ATP5MG: variants seen among roughly 807,000 people sequenced by gnomAD.
The protein encoded by ATP5MG is ATP synthase F(0) complex subunit g, mitochondrial.
In ATP5MG, 7 loss-of-function variants were observed where a neutral mutation model predicts 12.7. The ratio of observed to expected loss-of-function variants is 0.55; its 90% CI spans 0.31 to 1.04. ATP5MG has a LOEUF of 1.04. ATP5MG is among the 50% of genes least tolerant of loss of function. The pLI, the probability that ATP5MG is intolerant of heterozygous loss-of-function variation, is 0.05. For synonymous variants in ATP5MG, 53 were observed against 48.2 expected (o/e 1.10, Z -0.41); for missense variants, 116 against 126.7 (o/e 0.92, Z 0.41).
intron 2 of ATP5MG, 34 bp from the exon 3 acceptor site, chr11:118,408,966 A>AT: frequency 2.3e-6 from 2 of 853,242 alleles, no homozygotes; most frequent in Admixed American, 2.3e-5. Context: ...TATATATATA[A>AT]AAGGTACCTT....
chr11:118,403,420 C>G (rs1424727238), intron 1 of ATP5MG, among the ~76,000 whole-genome samples: 1 of 152,080 alleles, frequency 6.6e-6, no homozygotes, highest in East Asian at 1.9e-4. Context: ...CGCTTGAACC[C>G]CGGAGGCGGA....
At chr11:118,405,767 A>G in intron 1 of ATP5MG, 1 of 950,094 alleles carries the variant, frequency 1.1e-6, no homozygotes, top group Non-Finnish European at 1.3e-6. Context: ...GAAATACTCA[A>G]ATGGAGGCCG....
chr11:118,406,885 G>T, intron 1 of ATP5MG, 52 bp from the exon 2 acceptor site: 1 of 1,545,798 alleles, frequency 6.5e-7, no homozygotes. Context: ...GCTTCTTTCG[G>T]TCTCTAGTGA....
In ATP5MG at chr11:118,401,611, C is replaced by T. The variant is rs1555131032; in HGVS notation, c.-55C>T. On this transcript the variant is annotated 5_prime_UTR_variant, in exon 1 of 3. Transcript: ENST00000300688. ...GACGGGGTCCTGCAGCGGGTCCTTC[C>T]GGCGGGTGACATTCAGCCGGCGGTT... 2.5e-6 allele frequency: 4 copies of T among 1,609,944 alleles called. No individual in the cohort carries two copies. The highest frequency in any genetic ancestry group is 3.4e-6 in the Non-Finnish European group (4 of 1,176,544).
In ATP5MG at chr11:118,401,672, C is replaced by G. The variant is rs1555131073; in HGVS notation, c.7C>G (p.Gln3Glu). The G allele has an allele frequency of 1.9e-6, 3 of 1,614,084 alleles. No individual in the cohort carries two copies. In the South Asian group the frequency reaches 3.3e-5, roughly 18 times the overall value. MA[Q>E]FVRNLVEKTP... ...GACTCTCCATTCCAGAACCATGGCC[C>G]AATTTGTCCGTAACCTTGTGGAGAA... The change falls in exon 1 of 3, where the codon CAA becomes GAA. Residue 3 changes from glutamine (Q) to glutamate (E), a missense_variant. Physicochemically the swap from Gln to Glu is conservative, Grantham distance 29. Transcript: ENST00000300688.
chr11:118,402,105 T>TCGGCCTCATTA (rs1417086776), intron 1 of ATP5MG, among the ~76,000 whole-genome samples: 1 of 152,068 alleles, frequency 6.6e-6, no homozygotes, highest in Non-Finnish European at 1.5e-5. Flanking sequence ...GTAAATCAAT[T>TCGGCCTCATTA]CGGCCTCATT....
intron 2 of ATP5MG, among the ~76,000 whole-genome samples, chr11:118,407,850 T>G (rs998284373): frequency 2.7e-5 from 4 of 148,390 alleles, no homozygotes; most frequent in Admixed American, 2.7e-4. Flanking sequence ...GGTGACAGAG[T>G]AAGACCCTAT....
rs1447105426 is a variant in ATP5MG at position 118,405,639 on chromosome 11, TA to T, written c.53-1297del. On this transcript the variant is annotated intron_variant, in intron 1 of 2. Coordinates refer to ENST00000300688, the MANE Select transcript of ATP5MG (RefSeq NM_006476.5). ...CTTATACAAGATTGTGCTTTTTTTT[TA>T]TTGTCCCATCTTTCAGGCATTGGCA... The T allele has an allele frequency of 2.8e-5, 28 of 985,174 alleles. No individual in the cohort carries two copies. The African/African-American group carries it at 4.4e-4, about 15-fold the overall frequency. The allele number at this position is 985,174 out of a possible 1,614,324, so 61.0% of individuals were successfully genotyped here. A position where few individuals can be genotyped will look rare whatever the true frequency, so the allele number is the denominator to read the frequency against.
In ATP5MG at chr11:118,406,971, A is replaced by G. The variant is rs782416089; in HGVS notation, c.87A>G (p.Thr29=). The G allele has an allele frequency of 6.2e-7, 1 of 1,613,518 alleles. No individual in the cohort carries two copies. The highest frequency in any genetic ancestry group is 1.1e-5 in the South Asian group (1 of 90,956). Residue 29 remains threonine (T), a synonymous_variant, in exon 2 of 3, where the codon ACA becomes ACG. Coordinates refer to ENST00000300688, the MANE Select transcript of ATP5MG (RefSeq NM_006476.5). ...AVTYSKPRLA[T]FWYYAKVELV... ...CTTACTCGAAGCCTCGATTGGCCACATTTTGGTACTACGCCAAGGTTGAGC... is the reference window on the plus strand; with the variant it reads ...CTTACTCGAAGCCTCGATTGGCCACGTTTTGGTACTACGCCAAGGTTGAGC...
In ATP5MG at chr11:118,407,108, GC is replaced by G; in HGVS notation, c.213+12del. 5.6e-6 allele frequency: 9 copies of G among 1,613,744 alleles called. No individual in the cohort carries two copies. The highest frequency in any genetic ancestry group is 7.6e-6 in the Non-Finnish European group (9 of 1,179,960). ...CAGCTCACAGTTAAGGTAACCACGG[GC>G]TAAATGAAAACGGATGTGCATAACA... On this transcript the variant is annotated intron_variant, in intron 2 of 2. Transcript: ENST00000300688.
intron 2 of ATP5MG, among the ~76,000 whole-genome samples, chr11:118,408,765 A>G (rs887483239): frequency 6.6e-6 from 1 of 152,128 alleles, no homozygotes; most frequent in Non-Finnish European, 1.5e-5. Context: ...GAAAGAATTT[A>G]TATAAGCTTT....
At chr11:118,408,772 C>T (rs1181903309) in intron 2 of ATP5MG, among the ~76,000 whole-genome samples, 1 of 152,030 alleles carries the variant, frequency 6.6e-6, no homozygotes, top group Non-Finnish European at 1.5e-5. Flanking sequence ...TTTATATAAG[C>T]TTTGACTACT....
chr11:118,405,970 C>T (rs561991354), intron 1 of ATP5MG, among the ~76,000 whole-genome samples: 1 of 152,192 alleles, frequency 6.6e-6, no homozygotes, highest in African/African-American at 2.4e-5. Context: ...TCAAGCAATT[C>T]TTGTGCCTCG....
At chr11:118,408,930 A>AATATATATATATATATATAATT (rs1555132545) in intron 2 of ATP5MG, 70 bp from the exon 3 acceptor site, 4 of 411,764 alleles carry the variant, frequency 9.7e-6, no homozygotes, top group Non-Finnish European at 1.5e-5. Context: ...AATAGTTTCA[A>AATATATATATATATATATAATT]ATATATATAT....
chr11:118,401,664 C>T lies in ATP5MG; in HGVS notation c.-2C>T. ...GGGCGACGGACTCTCCATTCCAGAACCATGGCCCAATTTGTCCGTAACCTT... is the reference window on the plus strand; with the variant it reads ...GGGCGACGGACTCTCCATTCCAGAATCATGGCCCAATTTGTCCGTAACCTT... On this transcript the variant is annotated 5_prime_UTR_variant, in exon 1 of 3. Transcript: ENST00000300688. 6.2e-7 allele frequency: 1 copy of T among 1,614,158 alleles called. No homozygotes were observed. The highest frequency in any genetic ancestry group is 8.5e-7 in the Non-Finnish European group (1 of 1,180,010).
At chr11:118,402,083 A>G (rs1948932686) in intron 1 of ATP5MG, among the ~76,000 whole-genome samples, 1 of 152,218 alleles carries the variant, frequency 6.6e-6, no homozygotes, top group Non-Finnish European at 1.5e-5. Context: ...AAGGAAGGGC[A>G]GAAACGTGAA....
chr11:118,402,044 G>A (rs1464143573), intron 1 of ATP5MG: 2 of 352,694 alleles, frequency 5.7e-6, no homozygotes, highest in Admixed American at 8.9e-5. Flanking sequence ...GGGATCTAGA[G>A]GGGATGGTTC....
intron 1 of ATP5MG, among the ~76,000 whole-genome samples, chr11:118,402,720 A>G (rs1209141378): frequency 1.4e-5 from 2 of 141,356 alleles, no homozygotes; most frequent in Non-Finnish European, 3.0e-5. Flanking sequence ...TTTTTCCTAG[A>G]AGACAGGGAC....
At chr11:118,402,640 T>C (rs1948937872) in intron 1 of ATP5MG, among the ~76,000 whole-genome samples, 1 of 152,160 alleles carries the variant, frequency 6.6e-6, no homozygotes, top group Admixed American at 6.5e-5. Context: ...TGTAATACTT[T>C]CTAGCCTATT....
Sources: allele counts gnomAD v4.1 joint callset (sites outside exome capture counted in the v4.1 genomes callset), GRCh38; gene constraint gnomAD v4.1.1; transcripts MANE v1.5; gene names NCBI Gene and HGNC (gene_info 2026-07-23, HGNC 2026-07-21).